Variants in PPP1R7 observed in about 807,000 individuals in gnomAD.
The protein encoded by PPP1R7 is protein phosphatase 1 regulatory subunit 7.
A neutral mutation model predicts 45.2 loss-of-function variants in PPP1R7; 18 were observed. The ratio of observed to expected loss-of-function variants is 0.40; its 90% CI spans 0.28 to 0.59. The LOEUF (loss-of-function observed/expected upper bound fraction) is 0.59. PPP1R7 is among the 20% of genes least tolerant of loss of function. The probability of loss-of-function intolerance (pLI) is 0.46; values close to 1 mark genes in which losing one functional copy is unlikely to be tolerated. For synonymous variants in PPP1R7, 181 were observed against 183.4 expected, an observed-to-expected ratio of 0.99 and a Z score of 0.11; for missense variants, 314 against 455.8, an observed-to-expected ratio of 0.69 and a Z score of 2.83.
At chr2:241,150,379 G>GGCGCGGCTGAAGTCGCC, upstream of PPP1R7, 1 of 1,333,498 alleles carries the variant, frequency 7.5e-7, no homozygotes, top group Non-Finnish European at 9.6e-7. Context: ...ACGCAGGCGC[G>GGCGCGGCTGAAGTCGCC]GCGCGGCTGA....
intron 9 of PPP1R7, among the ~76,000 whole-genome samples, chr2:241,180,116 T>C (rs1574737837): frequency 6.6e-6 from 1 of 152,354 alleles, no homozygotes; most frequent in Middle Eastern, 3.4e-3. Context: ...GTGACACAGC[T>C]TGAAGACCTC....
intron 8 of PPP1R7, among the ~76,000 whole-genome samples, chr2:241,167,513 G>T (rs893122151): frequency 7.2e-5 from 11 of 152,140 alleles, no homozygotes; most frequent in Non-Finnish European, 4.4e-5. Context: ...GGTTGGGGCC[G>T]GGTGGGGTGC....
intron 8 of PPP1R7, chr2:241,166,967 C>A: frequency 7.9e-7 from 1 of 1,262,736 alleles, no homozygotes; most frequent in Non-Finnish European, 1.2e-6. Context: ...CCTCCTCCCC[C>A]ATTCCTCCCT....
chr2:241,179,597 A>G (rs1281670842), intron 9 of PPP1R7, among the ~76,000 whole-genome samples: 10 of 152,358 alleles, frequency 6.6e-5, no homozygotes, highest in Admixed American at 6.5e-4. Flanking sequence ...AGATTAGAAG[A>G]GACTGAAGTG....
intron 8 of PPP1R7, chr2:241,166,903 A>T: frequency 1.4e-6 from 1 of 703,608 alleles, no homozygotes; most frequent in Non-Finnish European, 2.4e-6. Flanking sequence ...CACAGAGAGC[A>T]CAGGACCAGC....
chr2:241,151,559 A>T lies in PPP1R7; in HGVS notation c.52+1012A>T, dbSNP rs755428589. ...AGAAAACTGCTGTCAAAAGGTGTGG[A>T]GGAGAGTTTGACCAAATCGTATGTG... On this transcript the variant is annotated intron_variant, in intron 1 of 9. Transcript: ENST00000234038. 14 of 471,108 alleles carry T rather than the reference A, an allele frequency of 3.0e-5. No homozygotes were observed. In the Admixed American group the frequency reaches 3.1e-4, roughly 10 times the overall value. 29.2% of individuals were successfully genotyped at this position (471,108 alleles called of 1,614,324 possible).
Position 241,183,234 on chromosome 2 carries a change from G to A in PPP1R7, c.*411G>A, listed in dbSNP as rs139499695. The A allele has an allele frequency of 2.3e-5, 9 of 385,600 alleles. No individual in the cohort carries two copies. Among genetic ancestry groups the A allele is most frequent in the African/African-American group, 1.9e-4 (9 of 47,360 alleles). The allele number at this position is 385,600 out of a possible 1,614,324, so 23.9% of individuals were successfully genotyped here. A position where few individuals can be genotyped will look rare whatever the true frequency, so the allele number is the denominator to read the frequency against. ...GGCTGGCCTAGCTGGCCCTAGTCCT[G>A]GTGTGCAGGGTTCAGGCAGTCTTGA... On this transcript the variant is annotated 3_prime_UTR_variant, in exon 10 of 10. Coordinates refer to ENST00000234038, the MANE Select transcript of PPP1R7 (RefSeq NM_002712.3).
At chr2:241,160,592 C>T in intron 6 of PPP1R7, 98 bp downstream of exon 6, 2 of 1,047,998 alleles carry the variant, frequency 1.9e-6, no homozygotes, top group Non-Finnish European at 1.3e-6. Context: ...GGTGAGTCTG[C>T]ATTTCTTACA....
intron 6 of PPP1R7, 86 bp downstream of exon 6, chr2:241,160,580 A>C: frequency 8.6e-7 from 1 of 1,157,160 alleles, no homozygotes; most frequent in Non-Finnish European, 1.2e-6. Context: ...TGTAGAATGC[A>C]TGGTGAGTCT....
At chr2:241,160,515 C>T in intron 6 of PPP1R7, 21 bp downstream of exon 6, 1 of 1,559,900 alleles carries the variant, frequency 6.4e-7, no homozygotes, top group Non-Finnish European at 8.6e-7. Flanking sequence ...ACAGCCCTGA[C>T]TAGTATATTC....
At chr2:241,152,822 C>T (rs1213920284) in intron 1 of PPP1R7, among the ~76,000 whole-genome samples, 1 of 152,158 alleles carries the variant, frequency 6.6e-6, no homozygotes, top group Non-Finnish European at 1.5e-5. Flanking sequence ...ATTGAATTGC[C>T]TTATTCTTTA....
chr2:241,159,498 C>T (rs1023524885), intron 5 of PPP1R7, among the ~76,000 whole-genome samples, 155 bp downstream of exon 5: 1 of 152,184 alleles, frequency 6.6e-6, no homozygotes, highest in Non-Finnish European at 1.5e-5. Flanking sequence ...AAGTCTCTGC[C>T]TCCTGTTTTC....
intron 6 of PPP1R7, among the ~76,000 whole-genome samples, chr2:241,162,260 G>A (rs113782009): frequency 0.025 from 3,760 of 152,270 alleles, 145 homozygotes; most frequent in African/African-American, 0.085. Flanking sequence ...GCAGTGGTGT[G>A]TGGATTAGCA....
intron 9 of PPP1R7, among the ~76,000 whole-genome samples, chr2:241,178,237 T>C (rs17450505): frequency 0.049 from 7,394 of 152,328 alleles, 245 homozygotes; most frequent in Middle Eastern, 0.11. Flanking sequence ...GGCCATTTCA[T>C]TAGGTTTCAG....
chr2:241,180,005 A>T (rs1437771236), intron 9 of PPP1R7, among the ~76,000 whole-genome samples: 1 of 152,224 alleles, frequency 6.6e-6, no homozygotes, highest in Non-Finnish European at 1.5e-5. Flanking sequence ...TGGTCCGCCC[A>T]TCTAGACTAA....
At chr2:241,174,399 A>T (rs930996138) in intron 9 of PPP1R7, among the ~76,000 whole-genome samples, 3 of 152,110 alleles carry the variant, frequency 2.0e-5, no homozygotes, top group African/African-American at 7.2e-5. Context: ...ATTCCACAGG[A>T]TACCATGTGG....
At chr2:241,178,284 C>T (rs2067940965) in intron 9 of PPP1R7, among the ~76,000 whole-genome samples, 4 of 152,184 alleles carry the variant, frequency 2.6e-5, no homozygotes, top group Admixed American at 6.5e-5. Context: ...CTAACCCTGG[C>T]GCCTCTGTTT....
At chr2:241,150,211 C>A (rs2067220341), upstream of PPP1R7, 2 of 1,277,574 alleles carry the variant, frequency 1.6e-6, no homozygotes, top group Non-Finnish European at 9.9e-7. Flanking sequence ...CTGCCTGCAG[C>A]TACGGCTCTG....
chr2:241,163,466 T>C lies in PPP1R7; in HGVS notation c.714+65T>C, dbSNP rs768950351. 4.3e-5 allele frequency: 50 copies of C among 1,152,022 alleles called. No individual in the cohort carries two copies. The Admixed American group carries it at 9.0e-4, about 21-fold the overall frequency. 71.4% of individuals were successfully genotyped at this position (1,152,022 alleles called of 1,614,324 possible). A position where few individuals can be genotyped will look rare whatever the true frequency, so the allele number is the denominator to read the frequency against. The stretch of plus-strand genomic sequence containing the variant: ...GCAGGGCCAGCGCTGCTGGACACAA[T>C]CTTAGTTTTTATCCTTCACTGCCTT... On this transcript the variant is annotated intron_variant, in intron 7 of 9. Coordinates refer to ENST00000234038, the MANE Select transcript of PPP1R7 (RefSeq NM_002712.3).
Sources: allele counts gnomAD v4.1 joint callset (sites outside exome capture counted in the v4.1 genomes callset), GRCh38; gene constraint gnomAD v4.1.1; transcripts MANE v1.5; gene names NCBI Gene and HGNC (gene_info 2026-07-23, HGNC 2026-07-21).